The following CDH18 variants were observed in gnomAD, a reference collection of about 807,000 sequenced individuals.
The protein encoded by CDH18 is cadherin 18.
A neutral mutation model predicts 67.9 loss-of-function variants in CDH18; 31 were observed. The ratio of observed to expected loss-of-function variants is 0.46; its 90% CI spans 0.34 to 0.62. The LOEUF (loss-of-function observed/expected upper bound fraction) is 0.62. Among genes scored for constraint, CDH18 ranks in the 20% least tolerant of loss-of-function variants. The pLI is 0.01. For missense variants in CDH18, 890 were observed against 975.5 expected (o/e 0.91, Z 1.17); for synonymous variants, 362 against 347.2 (o/e 1.04, Z -0.48).
chr5:20,194,349 G>A (rs560833481), intron 2 of CDH18, among the ~76,000 whole-genome samples: 15 of 152,098 alleles, frequency 9.9e-5, no homozygotes, highest in East Asian at 3.9e-4. Flanking sequence ...GTCTTGACTC[G>A]AACTGTGGGG....
At chr5:19,900,954 T>C (rs1175399368) in intron 2 of CDH18, among the ~76,000 whole-genome samples, 1 of 152,134 alleles carries the variant, frequency 6.6e-6, no homozygotes, top group Non-Finnish European at 1.5e-5. Flanking sequence ...AACTTAGGAA[T>C]CAAGCAAAGC....
intron 1 of CDH18, among the ~76,000 whole-genome samples, chr5:20,540,920 C>T (rs563507047): frequency 6.6e-5 from 10 of 152,228 alleles, no homozygotes; most frequent in African/African-American, 2.4e-4. Flanking sequence ...AGTATATTGC[C>T]CACTAGAGCC....
In CDH18 at chr5:20,356,745, C is replaced by G. The variant is rs941620262; in HGVS notation, c.-579-101240G>C. ...TCTCTCTCTCTCTCTCTCTCTCTCT[C>G]TCTCTCTCTATATATATATATATAT... On this transcript the variant is annotated intron_variant, in intron 1 of 14. Transcript: ENST00000507958. Among the ~76,000 whole-genome samples the G allele has an allele frequency of 2.2e-5, 3 of 136,642 alleles. No individual in the cohort carries two copies. The South Asian group carries it at 6.7e-4, about 31-fold the overall frequency. 89.6% of individuals were successfully genotyped at this position (136,642 alleles called of 152,430 possible). A position where few individuals can be genotyped will look rare whatever the true frequency, so the allele number is the denominator to read the frequency against.
At chr5:19,488,166 T>C (rs1431690879) in intron 11 of CDH18, among the ~76,000 whole-genome samples, 2 of 152,200 alleles carry the variant, frequency 1.3e-5, no homozygotes, top group African/African-American at 4.8e-5. Flanking sequence ...CAAACTATAA[T>C]ACAGTTCAAT....
At chr5:19,941,320 C>A (rs1340791653) in intron 2 of CDH18, among the ~76,000 whole-genome samples, 1 of 152,082 alleles carries the variant, frequency 6.6e-6, no homozygotes. Context: ...GTTCGTAAGC[C>A]ACTCAGTTCC....
At chr5:20,435,436 G>C (rs887100119) in intron 1 of CDH18, among the ~76,000 whole-genome samples, 4 of 152,010 alleles carry the variant, frequency 2.6e-5, no homozygotes, top group Non-Finnish European at 4.4e-5. Context: ...AGATGATATT[G>C]CTGACATTTC....
intron 3 of CDH18, among the ~76,000 whole-genome samples, chr5:19,820,182 C>T (rs72740838): frequency 6.6e-6 from 1 of 152,214 alleles, no homozygotes; most frequent in Non-Finnish European, 1.5e-5. Context: ...AGTTGGTCAT[C>T]CCTCTCTCCA....
chr5:20,317,492 T>C (rs1207029466), intron 1 of CDH18, among the ~76,000 whole-genome samples: 7 of 152,166 alleles, frequency 4.6e-5, no homozygotes, highest in Non-Finnish European at 5.9e-5. Flanking sequence ...AAATATTACA[T>C]GTTATACTTT....
At chr5:20,358,969 G>A (rs1258488924) in intron 1 of CDH18, among the ~76,000 whole-genome samples, 2 of 110,376 alleles carry the variant, frequency 1.8e-5, no homozygotes, top group Non-Finnish European at 3.5e-5. Context: ...TTTCACTCTT[G>A]TTGCCCTGGC....
At chr5:20,343,432 A>G (rs191393498) in intron 1 of CDH18, among the ~76,000 whole-genome samples, 34 of 152,320 alleles carry the variant, frequency 2.2e-4, no homozygotes, top group African/African-American at 7.9e-4. Flanking sequence ...AGGGAATGCC[A>G]TGTCCCCCTG....
rs1792123524 is a variant in CDH18 at position 19,918,871 on chromosome 5, T to C, written c.-257+62189A>G. 2.6e-5 allele frequency among the ~76,000 whole-genome samples: 4 copies of C among 151,612 alleles called. No individual in the cohort carries two copies. The South Asian group carries it at 8.3e-4, about 31-fold the overall frequency. ...TGTCTTTTATAATTTATAAGAAACC[T>C]CTTTCATGCACATCCCAGTTTATGC... is the stretch of plus-strand genomic sequence containing the variant. On this transcript the variant is annotated intron_variant, in intron 2 of 12. Coordinates refer to ENST00000382275, the MANE Select transcript of CDH18 (RefSeq NM_004934.5).
chr5:20,407,479 T>C (rs933331124), intron 1 of CDH18, among the ~76,000 whole-genome samples: 6 of 133,214 alleles, frequency 4.5e-5, no homozygotes, highest in Admixed American at 8.3e-5. Flanking sequence ...ATTTTTCTAA[T>C]GCATATACAC....
chr5:19,553,055 T>C (rs183072263), intron 8 of CDH18, among the ~76,000 whole-genome samples: 61 of 152,276 alleles, frequency 4.0e-4, no homozygotes, highest in African/African-American at 1.3e-3. Context: ...TTTATGACCA[T>C]AGTAAAAATT....
intron 2 of CDH18, among the ~76,000 whole-genome samples, chr5:19,935,275 T>G (rs1452949201): frequency 6.6e-6 from 1 of 151,306 alleles, no homozygotes; most frequent in Admixed American, 6.6e-5. Flanking sequence ...TTGACTACTT[T>G]TAGTATGTTT....
intron 2 of CDH18, among the ~76,000 whole-genome samples, chr5:20,084,054 C>A (rs145778436): frequency 0.011 from 1,671 of 151,960 alleles, 15 homozygotes; most frequent in Middle Eastern, 0.02. Flanking sequence ...TAACACATTT[C>A]AGCATCAACT....
At position 20,219,166 on chromosome 5, in the gene CDH18, A is replaced by C. The variant is rs114097148; in HGVS notation, c.-518+36278T>G. Among the ~76,000 whole-genome samples, 251 of 152,138 alleles carry C rather than the reference A, an allele frequency of 1.6e-3. 2 individuals are homozygous for C. Among genetic ancestry groups the C allele is most frequent in the African/African-American group, 4.2e-3 (174 of 41,574 alleles). On this transcript the variant is annotated intron_variant, in intron 2 of 14. Transcript: ENST00000507958. Reference sequence around the variant, plus strand: ...TCAGAGATGAAAAATGAGACATTACAACCAATAATGTTGAAATTCAAGGGA... The same window carrying C: ...TCAGAGATGAAAAATGAGACATTACCACCAATAATGTTGAAATTCAAGGGA...
At chr5:19,769,770 C>T (rs1240123601) in intron 3 of CDH18, among the ~76,000 whole-genome samples, 1 of 151,408 alleles carries the variant, frequency 6.6e-6, no homozygotes, top group Non-Finnish European at 1.5e-5. Flanking sequence ...AACTGTTGTG[C>T]TTCAAAATGT....
intron 2 of CDH18, among the ~76,000 whole-genome samples, chr5:19,916,262 A>G (rs1791779014): frequency 6.6e-6 from 1 of 152,152 alleles, no homozygotes; most frequent in African/African-American, 2.4e-5. Flanking sequence ...CTCCTGTCTT[A>G]CTAGTTTCCT....
chr5:19,757,232 G>A (rs981764355), intron 3 of CDH18, among the ~76,000 whole-genome samples: 2 of 152,190 alleles, frequency 1.3e-5, no homozygotes, highest in African/African-American at 2.4e-5. Context: ...TTGTGTGCAC[G>A]ATAGGCAAAC....
Sources: allele counts gnomAD v4.1 joint callset (sites outside exome capture counted in the v4.1 genomes callset), GRCh38; gene constraint gnomAD v4.1.1; transcripts MANE v1.5; gene names NCBI Gene and HGNC (gene_info 2026-07-23, HGNC 2026-07-21).